Variants in SAMD14 observed in about 807,000 individuals in gnomAD.
SAMD14 encodes the protein sterile alpha motif domain containing 14.
Under a neutral mutation model 46.2 loss-of-function variants are expected in SAMD14, and 27 were observed. The observed-to-expected ratio is 0.58, with a 90% CI of 0.43 to 0.81. The LOEUF is 0.81. SAMD14 is among the 30% of genes least tolerant of loss of function. The pLI, the probability that SAMD14 is intolerant of heterozygous loss-of-function variation, is 0.00. For missense variants in SAMD14, 559 were observed against 582.2 expected (o/e 0.96, Z 0.41); for synonymous variants, 241 against 254.3 (o/e 0.95, Z 0.50).
chr17:50,126,653 G>A (rs1911789228), intron 1 of SAMD14, among the ~76,000 whole-genome samples: 1 of 152,100 alleles, frequency 6.6e-6, no homozygotes, highest in South Asian at 2.1e-4. Context: ...CCACTTTACA[G>A]ATGTGAAAAC....
chr17:50,124,057 G>A (rs749195943), intron 2 of SAMD14: 80 of 455,866 alleles, frequency 1.8e-4, no homozygotes, highest in Admixed American at 7.1e-5. Context: ...TGGCATAGGA[G>A]CCCCTCGAGG....
intron 9 of SAMD14, 30 bp downstream of exon 9, chr17:50,113,894 C>T (rs773399821): frequency 1.9e-6 from 3 of 1,612,982 alleles, no homozygotes; most frequent in South Asian, 1.1e-5. Flanking sequence ...AGTAACTGGG[C>T]TGGGTCATGG....
At position 50,110,211 on chromosome 17, in the gene SAMD14, AG is replaced by A; in HGVS notation, c.*2681del. ...AGGGGGTGGGTTCTCCCTGATGACC[AG>A]GTTCTGTCTCTATGGAAGTCACTGC... On this transcript the variant is annotated 3_prime_UTR_variant, in exon 10 of 10. Transcript: ENST00000330175. 1 of 1,188,240 alleles carries A rather than the reference AG, an allele frequency of 8.4e-7. No homozygotes were observed. Among genetic ancestry groups the A allele is most frequent in the Non-Finnish European group, 1.2e-6 (1 of 866,910 alleles). 73.6% of individuals were successfully genotyped at this position (1,188,240 alleles called of 1,614,324 possible).
chr17:50,116,654 G>A (rs988842066), intron 4 of SAMD14, among the ~76,000 whole-genome samples: 3 of 150,746 alleles, frequency 2.0e-5, no homozygotes, highest in African/African-American at 4.9e-5. Context: ...TGATCCACCC[G>A]CCTCGGCCTC....
At chr17:50,119,814 G>A (rs945260702) in intron 2 of SAMD14, among the ~76,000 whole-genome samples, 4 of 152,044 alleles carry the variant, frequency 2.6e-5, no homozygotes, top group African/African-American at 9.7e-5. Flanking sequence ...CCACTTTGAT[G>A]TCCACCAGGG....
intron 2 of SAMD14, among the ~76,000 whole-genome samples, chr17:50,118,750 G>A (rs1224410819): frequency 6.6e-6 from 1 of 152,202 alleles, no homozygotes; most frequent in African/African-American, 2.4e-5. Flanking sequence ...TTTGTGGAGA[G>A]AAGGGTTGAG....
chr17:50,115,489 G>A lies in SAMD14; in HGVS notation c.822+75C>T. ...TCCAGGAATGTCTGAATCCCAGCCT[G>A]AGCCAAGGTGAAGTACGCCCTCATG... On this transcript the variant is annotated intron_variant, in intron 7 of 9. Transcript: ENST00000330175. This position sits in a 1 kb window ranked among gnomAD's most constrained non-coding sequence, Gnocchi z 5.3. 1.4e-6 allele frequency: 2 copies of A among 1,461,236 alleles called. No homozygotes were observed. Among genetic ancestry groups the A allele is most frequent in the East Asian group, 4.6e-5 (2 of 43,404 alleles). 90.5% of individuals were successfully genotyped at this position (1,461,236 alleles called of 1,614,324 possible). A position where few individuals can be genotyped will look rare whatever the true frequency, so the allele number is the denominator to read the frequency against.
rs1911298140 is a variant in SAMD14 at position 50,117,714 on chromosome 17, G to T, written c.211-19C>A. On this transcript the variant is annotated intron_variant, in intron 3 of 9. Coordinates refer to ENST00000330175, the MANE Select transcript of SAMD14 (RefSeq NM_001257359.2). The stretch of plus-strand genomic sequence containing the variant: ...CGGTCACCTGGACGAGGGGGCAGCC[G>T]CTCACCGAGAACCCTCCTCCTCCCT... The T allele has an allele frequency of 3.5e-6, 5 of 1,424,678 alleles. No homozygotes were observed. Among genetic ancestry groups the T allele is most frequent in the Non-Finnish European group, 4.6e-6 (5 of 1,095,094 alleles). The allele number at this position is 1,424,678 out of a possible 1,614,324, so 88.3% of individuals were successfully genotyped here.
Position 50,129,166 on chromosome 17 carries a change from A to G in SAMD14, c.-13+351T>C, listed in dbSNP as rs947560963. ...AGGTTGGGGACAGGGCACCTACTCCACTCTCAGAGCCCTTCTCCCCAGTCA... is the reference window on the plus strand; with the variant it reads ...AGGTTGGGGACAGGGCACCTACTCCGCTCTCAGAGCCCTTCTCCCCAGTCA... On this transcript the variant is annotated intron_variant, in intron 1 of 9. Coordinates refer to ENST00000330175, the MANE Select transcript of SAMD14 (RefSeq NM_001257359.2). This position sits in a 1 kb window ranked among gnomAD's most constrained non-coding sequence, Gnocchi z 5.6. Among the ~76,000 whole-genome samples, 3 of 151,626 alleles carry G rather than the reference A, an allele frequency of 2.0e-5. No individual in the cohort carries two copies. The highest frequency in any genetic ancestry group is 7.3e-5 in the African/African-American group (3 of 41,220).
chr17:50,113,527 G>A (rs189166456), intron 9 of SAMD14: 216 of 279,386 alleles, frequency 7.7e-4, no homozygotes, highest in African/African-American at 4.1e-3. Flanking sequence ...CCTTCCTACA[G>A]CCTCCCCCTG....
Position 50,124,984 on chromosome 17 carries a change from A to G in SAMD14, c.-12-13T>C, listed in dbSNP as rs368750914. Reference sequence around the variant, plus strand: ...TGACTCAAGAGAGCTGGGAAGGACAAGAGGGGAGAGAAAGAAAAAGAGAGC... The same window carrying G: ...TGACTCAAGAGAGCTGGGAAGGACAGGAGGGGAGAGAAAGAAAAAGAGAGC... On this transcript the variant is annotated splice_polypyrimidine_tract_variant and intron_variant, in intron 1 of 9. Coordinates refer to ENST00000330175, the MANE Select transcript of SAMD14 (RefSeq NM_001257359.2). 3.2e-5 allele frequency: 51 copies of G among 1,613,100 alleles called. No homozygotes were observed. Among genetic ancestry groups the G allele is most frequent in the Non-Finnish European group, 4.2e-5 (49 of 1,179,356 alleles).
chr17:50,113,762 C>T (rs1322201280), intron 9 of SAMD14, 162 bp downstream of exon 9: 3 of 710,480 alleles, frequency 4.2e-6, no homozygotes, highest in East Asian at 5.4e-5. Flanking sequence ...AGACCAAGGA[C>T]CTTGCCTAGA....
At chr17:50,126,407 C>A (rs903478042) in intron 1 of SAMD14, among the ~76,000 whole-genome samples, 1 of 151,826 alleles carries the variant, frequency 6.6e-6, no homozygotes, top group Non-Finnish European at 1.5e-5. Flanking sequence ...CGGGTCCACG[C>A]CATTCTCCTG....
intron 2 of SAMD14, among the ~76,000 whole-genome samples, 161 bp downstream of exon 2, chr17:50,124,756 C>T (rs755197411): frequency 7.1e-5 from 7 of 98,558 alleles, no homozygotes; most frequent in African/African-American, 1.3e-4. Flanking sequence ...TACCTGCACG[C>T]GTGCACGCGC....
intron 1 of SAMD14, 164 bp from the exon 2 acceptor site, chr17:50,125,135 C>G (rs373642238): frequency 3.3e-5 from 21 of 643,860 alleles, no homozygotes; most frequent in African/African-American, 2.6e-4. Flanking sequence ...CCACTGGAAT[C>G]ATAACCCAGA....
At position 50,117,457 on chromosome 17, in the gene SAMD14, C is replaced by A. The variant is rs1174947303; in HGVS notation, c.449G>T (p.Ser150Ile). Reference sequence around the variant, plus strand: ...GTGGCGGCGCACGAAGCTGGGGGAGCTGTCGGAGGAGGGCGCGGAGCGCGG... The same window carrying A: ...GTGGCGGCGCACGAAGCTGGGGGAGATGTCGGAGGAGGGCGCGGAGCGCGG... ...SPPRSAPSSDSSPSFVRRHPR... is the reference protein window; with the variant it reads ...SPPRSAPSSDISPSFVRRHPR... The change falls in exon 4 of 10, where the codon AGC becomes ATC. Residue 150 changes from serine (S) to isoleucine (I), a missense_variant. By Grantham distance (142) the Ser-to-Ile change is moderately radical (BLOSUM62 -2). Transcript: ENST00000330175. 12 of 1,376,562 alleles carry A rather than the reference C, an allele frequency of 8.7e-6. No individual in the cohort carries two copies. The African/African-American group carries it at 1.8e-4, about 21-fold the overall frequency. The allele number at this position is 1,376,562 out of a possible 1,614,324, so 85.3% of individuals were successfully genotyped here. A position where few individuals can be genotyped will look rare whatever the true frequency, so the allele number is the denominator to read the frequency against.
chr17:50,118,739 C>T (rs1457714194), intron 2 of SAMD14, among the ~76,000 whole-genome samples: 1 of 152,040 alleles, frequency 6.6e-6, no homozygotes, highest in African/African-American at 2.4e-5. Context: ...TGGAGGGTAG[C>T]TTTGTGGAGA....
chr17:50,115,133 CAT>C lies in SAMD14; in HGVS notation c.822+429_822+430del, dbSNP rs570285409. 2.3e-3 allele frequency: 373 copies of C among 161,926 alleles called. 2 individuals carry two copies. The highest frequency in any genetic ancestry group is 3.8e-3 in the Non-Finnish European group (285 of 74,748). 10.0% of individuals were successfully genotyped at this position (161,926 alleles called of 1,614,324 possible). ...TGCTTCTCTTACTCGTCTCACATCA[CAT>C]AGGGTTGTAAGCTTTCAGACCACTA... On this transcript the variant is annotated intron_variant, in intron 7 of 9. Coordinates refer to ENST00000330175, the MANE Select transcript of SAMD14 (RefSeq NM_001257359.2). This position sits in a 1 kb window ranked among gnomAD's most constrained non-coding sequence, Gnocchi z 5.3.
At chr17:50,123,090 C>G (rs1384343261) in intron 2 of SAMD14, among the ~76,000 whole-genome samples, 1 of 152,226 alleles carries the variant, frequency 6.6e-6, no homozygotes, top group East Asian at 1.9e-4. Flanking sequence ...CTGTGCTAGG[C>G]ACTGTTCTAA....
Sources: allele counts gnomAD v4.1 joint callset (sites outside exome capture counted in the v4.1 genomes callset), GRCh38; gene constraint gnomAD v4.1.1; non-coding constraint Gnocchi (gnomAD v3.1); transcripts MANE v1.5; gene names NCBI Gene and HGNC (gene_info 2026-07-23, HGNC 2026-07-21).